TCF12: variants seen among roughly 807,000 people sequenced by gnomAD.
The protein encoded by TCF12 is transcription factor 12, also known as DNA-binding protein HTF4.
Under a neutral mutation model 86.0 loss-of-function variants are expected in TCF12, and 45 were observed. That is an observed-to-expected ratio of 0.52 (90% CI 0.41 to 0.67). The LOEUF is 0.67. Ranked by LOEUF, TCF12 falls within the 30% of genes least tolerant of loss-of-function variation. TCF12 has a pLI of 0.00. For missense variants in TCF12, 881 were observed against 859.9 expected, an observed-to-expected ratio of 1.02 and a Z score of -0.31; for synonymous variants, 330 against 299.6, an observed-to-expected ratio of 1.10 and a Z score of -1.05.
intron 5 of TCF12, among the ~76,000 whole-genome samples, chr15:57,125,402 C>A (rs1212974558): frequency 2.6e-5 from 4 of 152,248 alleles, no homozygotes; most frequent in Non-Finnish European, 2.9e-5. Flanking sequence ...ATAGGATGCA[C>A]CCAGTTAACT....
intron 19 of TCF12, among the ~76,000 whole-genome samples, chr15:57,278,344 A>G (rs1253553773): frequency 6.6e-6 from 1 of 152,202 alleles, no homozygotes; most frequent in Non-Finnish European, 1.5e-5. Context: ...GTTTCCAAGG[A>G]AAGAAAATGG....
intron 18 of TCF12, among the ~76,000 whole-genome samples, chr15:57,266,173 G>A (rs1210121497): frequency 6.6e-6 from 1 of 151,976 alleles, no homozygotes; most frequent in Non-Finnish European, 1.5e-5. Context: ...GCCATGGGGT[G>A]ATCTTGGCTC....
chr15:57,161,952 C>G (rs926275126), intron 5 of TCF12, among the ~76,000 whole-genome samples: 4 of 152,214 alleles, frequency 2.6e-5, no homozygotes, highest in South Asian at 2.1e-4. Flanking sequence ...CATTAAAATA[C>G]TTACATTTTG....
chr15:56,939,830 A>T (rs936484506), intron 3 of TCF12, among the ~76,000 whole-genome samples: 3 of 152,178 alleles, frequency 2.0e-5, no homozygotes, highest in Admixed American at 6.5e-5. Context: ...TTGTGTTCTT[A>T]CTTACTCTGC....
At chr15:57,007,520 A>G (rs1228573897) in intron 3 of TCF12, among the ~76,000 whole-genome samples, 3 of 152,156 alleles carry the variant, frequency 2.0e-5, no homozygotes, top group Non-Finnish European at 4.4e-5. Flanking sequence ...ATGTATTGAG[A>G]TCCCTCACCC....
At chr15:57,081,353 A>G (rs1166037792) in intron 4 of TCF12, among the ~76,000 whole-genome samples, 1 of 152,092 alleles carries the variant, frequency 6.6e-6, no homozygotes, top group African/African-American at 2.4e-5. Flanking sequence ...TCCCCATCCT[A>G]CTATTTACTG....
At chr15:57,274,480 T>C (rs1330279722) in intron 19 of TCF12, among the ~76,000 whole-genome samples, 1 of 152,204 alleles carries the variant, frequency 6.6e-6, no homozygotes, top group African/African-American at 2.4e-5. Flanking sequence ...TTCAAGTAAT[T>C]ATAGACTCCC....
At chr15:57,138,472 G>A (rs2052716466) in intron 5 of TCF12, among the ~76,000 whole-genome samples, 2 of 152,204 alleles carry the variant, frequency 1.3e-5, no homozygotes, top group Admixed American at 1.3e-4. Context: ...GCTGCCTCCA[G>A]TGGAAATTTA....
At chr15:57,216,109 G>A (rs2058320700) in intron 8 of TCF12, among the ~76,000 whole-genome samples, 1 of 152,004 alleles carries the variant, frequency 6.6e-6, no homozygotes, top group Non-Finnish European at 1.5e-5. Context: ...AATGACTACT[G>A]GAATAGCAGC....
chr15:57,239,186 T>C (rs2059501993), intron 12 of TCF12, among the ~76,000 whole-genome samples: 1 of 151,918 alleles, frequency 6.6e-6, no homozygotes, highest in Non-Finnish European at 1.5e-5. Context: ...ACCCCGTCTC[T>C]ACTAAAAATA....
At chr15:56,992,568 C>T (rs1003581615) in intron 3 of TCF12, among the ~76,000 whole-genome samples, 2 of 152,100 alleles carry the variant, frequency 1.3e-5, no homozygotes, top group East Asian at 3.9e-4. Flanking sequence ...ACACAAATAC[C>T]TAGTGATGTG....
At chr15:57,008,844 T>C (rs2064644981) in intron 3 of TCF12, among the ~76,000 whole-genome samples, 1 of 152,166 alleles carries the variant, frequency 6.6e-6, no homozygotes, top group Admixed American at 6.5e-5. Flanking sequence ...TTGCAATATT[T>C]CATGATGTCC....
intron 5 of TCF12, among the ~76,000 whole-genome samples, chr15:57,105,962 G>A (rs543716451): frequency 2.5e-4 from 38 of 152,314 alleles, no homozygotes; most frequent in African/African-American, 9.1e-4. Flanking sequence ...CAGATCACAT[G>A]GGAGACAGTA....
At chr15:57,254,876 AAG>A (rs1444534763) in intron 16 of TCF12, among the ~76,000 whole-genome samples, 62 of 150,190 alleles carry the variant, frequency 4.1e-4, no homozygotes, top group African/African-American at 1.3e-3. Context: ...AAAAAAAAAA[AAG>A]AAAGAAAGAA....
At chr15:57,239,586 A>C (rs1423024485) in intron 12 of TCF12, among the ~76,000 whole-genome samples, 1 of 150,422 alleles carries the variant, frequency 6.6e-6, no homozygotes, top group Non-Finnish European at 1.5e-5. Flanking sequence ...AAGAGAGGGG[A>C]GTAACTAGAA....
At chr15:56,953,696 G>A (rs529295263) in intron 3 of TCF12, among the ~76,000 whole-genome samples, 10 of 151,938 alleles carry the variant, frequency 6.6e-5, no homozygotes, top group East Asian at 1.9e-4. Context: ...ATAAGTTGTC[G>A]AATATATTAG....
intron 3 of TCF12, among the ~76,000 whole-genome samples, chr15:57,032,817 C>T (rs1210325300): frequency 1.3e-5 from 2 of 152,118 alleles, no homozygotes; most frequent in Non-Finnish European, 2.9e-5. Flanking sequence ...TACAAAAGGC[C>T]ATAAGTAATT....
At chr15:56,953,420 T>C (rs2061366008) in intron 3 of TCF12, among the ~76,000 whole-genome samples, 1 of 152,096 alleles carries the variant, frequency 6.6e-6, no homozygotes. Context: ...AGAGGAGTTT[T>C]AGTTTTCTGG....
chr15:57,102,746 A>G, intron 5 of TCF12, among the ~76,000 whole-genome samples: 1 of 152,186 alleles, frequency 6.6e-6, no homozygotes, highest in East Asian at 1.9e-4. Context: ...CTGCCTCTAT[A>G]CAGAATGGTA....
Sources: allele counts gnomAD v4.1 joint callset (sites outside exome capture counted in the v4.1 genomes callset), GRCh38; gene constraint gnomAD v4.1.1; transcripts MANE v1.5; gene names NCBI Gene and HGNC (gene_info 2026-07-23, HGNC 2026-07-21).